The following FRMD6 variants were observed in gnomAD, a reference collection of about 807,000 sequenced individuals.
FRMD6 encodes FERM domain containing 6, also known as FERM domain-containing protein 6.
FRMD6 carries 37 observed loss-of-function variants against 73.2 expected under a neutral mutation model. That is an observed-to-expected ratio of 0.51 (90% confidence interval 0.39 to 0.66). FRMD6 has a LOEUF of 0.66. Ranked by LOEUF, FRMD6 falls within the 30% of genes least tolerant of loss-of-function variation. The pLI, the probability that FRMD6 is intolerant of heterozygous loss-of-function variation, is 0.00. For missense variants in FRMD6, 714 were observed against 780.5 expected (o/e 0.91, Z 1.02); for synonymous variants, 273 against 282.2 (o/e 0.97, Z 0.33).
rs538855544 is a variant in FRMD6 at position 51,499,171 on chromosome 14, T to C, written c.-210+9751T>C. Among the ~76,000 whole-genome samples the C allele has an allele frequency of 3.0e-4, 46 of 152,322 alleles. No homozygotes were observed. The South Asian group carries it at 9.5e-3, about 32-fold the overall frequency. On this transcript the variant is annotated intron_variant, in intron 1 of 14. Transcript: ENST00000356218. ...AGATAACGTTCAATAAACACATGTT[T>C]CTTGATGCTCCTTTTGTTCCAGAGA... is the stretch of plus-strand genomic sequence containing the variant.
At chr14:51,678,266 A>G (rs1894529575) in intron 1 of FRMD6, among the ~76,000 whole-genome samples, 1 of 152,178 alleles carries the variant, frequency 6.6e-6, no homozygotes, top group Non-Finnish European at 1.5e-5. Flanking sequence ...TTCAGAGTCC[A>G]GATTTGAGTT....
chr14:51,599,436 A>C (rs1226107424), intron 2 of FRMD6, among the ~76,000 whole-genome samples: 1 of 152,166 alleles, frequency 6.6e-6, no homozygotes, highest in Non-Finnish European at 1.5e-5. Flanking sequence ...ACCTTGGGAA[A>C]GAATTTATGA....
upstream of FRMD6, among the ~76,000 whole-genome samples, chr14:51,484,299 A>G (rs914795771): frequency 6.6e-6 from 1 of 152,196 alleles, no homozygotes; most frequent in Non-Finnish European, 1.5e-5. Flanking sequence ...CCTGGAACAG[A>G]TGTGAATCAG....
the FRMD6 span, among the ~76,000 whole-genome samples, chr14:51,406,474 G>T: frequency 6.6e-6 from 1 of 151,954 alleles, no homozygotes; most frequent in East Asian, 1.9e-4. Context: ...TTTTCTATTT[G>T]TTTATGTGTT....
chr14:51,416,675 G>A, the FRMD6 span, among the ~76,000 whole-genome samples: 45,234 of 152,074 alleles, frequency 0.3, 7,153 homozygotes, highest in African/African-American at 0.4. Flanking sequence ...AGGTCTGCTT[G>A]TCGCAGAGCT....
At chr14:51,721,650 GGA>G in intron 11 of FRMD6, among the ~76,000 whole-genome samples, 1 of 15,440 alleles carries the variant, frequency 6.5e-5, no homozygotes, top group Non-Finnish European at 1.5e-4. Context: ...AGGGAGGGAA[GGA>G]AGGAAGGAAG....
chr14:51,712,410 G>A (rs1201754435), intron 8 of FRMD6, 73 bp from the exon 9 acceptor site: 6 of 903,582 alleles, frequency 6.6e-6, no homozygotes, highest in South Asian at 5.8e-5. Flanking sequence ...TGGTTTTCAG[G>A]GAAAGAAGTT....
intron 2 of FRMD6, among the ~76,000 whole-genome samples, chr14:51,634,276 A>T (rs911814900): frequency 6.6e-6 from 1 of 152,222 alleles, no homozygotes. Context: ...AATACATCAG[A>T]TTCTTTGCTA....
intron 10 of FRMD6, among the ~76,000 whole-genome samples, chr14:51,716,902 A>T (rs1897269874): frequency 6.6e-6 from 1 of 152,192 alleles, no homozygotes; most frequent in African/African-American, 2.4e-5. Context: ...AGAGCCCATA[A>T]TTTGCCAAGT....
At chr14:51,466,720 A>G in the FRMD6 span, among the ~76,000 whole-genome samples, 1 of 152,224 alleles carries the variant, frequency 6.6e-6, no homozygotes, top group African/African-American at 2.4e-5. Context: ...CTTATTCTAG[A>G]TTCTTTGCAA....
At chr14:51,659,874 T>C (rs1363096716) in intron 1 of FRMD6, among the ~76,000 whole-genome samples, 1 of 152,218 alleles carries the variant, frequency 6.6e-6, no homozygotes, top group African/African-American at 2.4e-5. Flanking sequence ...TTTGTGATTT[T>C]CTGTTATGAG....
At chr14:51,472,245 G>T in the FRMD6 span, among the ~76,000 whole-genome samples, 118 of 152,194 alleles carry the variant, frequency 7.8e-4, no homozygotes, top group Admixed American at 4.4e-3. Context: ...ATTTCAGAAT[G>T]CTGGGTGTTC....
At chr14:51,441,939 A>G in the FRMD6 span, among the ~76,000 whole-genome samples, 2 of 152,214 alleles carry the variant, frequency 1.3e-5, no homozygotes, top group African/African-American at 4.8e-5. Context: ...CGAGATGAAT[A>G]CAAAAATATG....
At chr14:51,647,943 A>G (rs992571314), upstream of FRMD6, among the ~76,000 whole-genome samples, 3 of 152,168 alleles carry the variant, frequency 2.0e-5, no homozygotes, top group African/African-American at 7.2e-5. Flanking sequence ...TTCCTGCCTC[A>G]GCCTCCTGAG....
chr14:51,601,872 G>A (rs1360253199), intron 2 of FRMD6, among the ~76,000 whole-genome samples: 1 of 152,156 alleles, frequency 6.6e-6, no homozygotes, highest in South Asian at 2.1e-4. Flanking sequence ...GCAGTTAATA[G>A]CCTCTGATTT....
the FRMD6 span, among the ~76,000 whole-genome samples, chr14:51,475,024 A>G: frequency 6.6e-6 from 1 of 152,208 alleles, no homozygotes; most frequent in African/African-American, 2.4e-5. Context: ...TGAATGACAG[A>G]GTCATCAGTT....
chr14:51,526,109 C>T (rs1037123857), intron 1 of FRMD6, among the ~76,000 whole-genome samples: 9 of 152,182 alleles, frequency 5.9e-5, no homozygotes, highest in South Asian at 2.1e-4. Context: ...AACAAGTCCT[C>T]GCCCAGGGCT....
the FRMD6 span, among the ~76,000 whole-genome samples, chr14:51,464,677 G>A: frequency 6.6e-6 from 1 of 152,184 alleles, no homozygotes. Flanking sequence ...CCCACTGCAG[G>A]AGGTGTTGTC....
chr14:51,714,145 ACT>A (rs1383977200), intron 9 of FRMD6: 1 of 151,836 alleles, frequency 6.6e-6, no homozygotes, highest in Non-Finnish European at 1.5e-5. Context: ...AGTTACATAA[ACT>A]CTGTGCCTTG....
Sources: gnomAD v4.1 joint callset for allele counts (sites outside exome capture counted in the v4.1 genomes callset) on GRCh38, gnomAD v4.1.1 for gene constraint, MANE v1.5 for transcripts, NCBI Gene and HGNC (gene_info 2026-07-23, HGNC 2026-07-21) for gene names.